IMMP2L: variants seen among roughly 807,000 people sequenced by gnomAD.
The protein encoded by IMMP2L is inner mitochondrial membrane peptidase subunit 2.
In IMMP2L, 18 loss-of-function variants were observed where a neutral mutation model predicts 19.3. That is an observed-to-expected ratio of 0.93 (90% CI 0.64 to 1.38). IMMP2L has a LOEUF of 1.38. IMMP2L is among the 40% of genes most tolerant of loss of function. IMMP2L has a pLI of 0.00. For missense variants in IMMP2L, 233 were observed against 218.2 expected, an observed-to-expected ratio of 1.07 and a Z score of -0.43; for synonymous variants, 76 against 73.0, an observed-to-expected ratio of 1.04 and a Z score of -0.21.
chr7:110,763,094 A>C (rs1798450302), intron 5 of IMMP2L, among the ~76,000 whole-genome samples: 1 of 152,082 alleles, frequency 6.6e-6, no homozygotes, highest in Non-Finnish European at 1.5e-5. Context: ...AGGAGGAGGA[A>C]AATGAAGAAA....
chr7:111,044,361 A>C (rs528844078), intron 3 of IMMP2L, among the ~76,000 whole-genome samples: 3 of 152,310 alleles, frequency 2.0e-5, no homozygotes, highest in East Asian at 3.9e-4. Context: ...GGAGTTCAAG[A>C]CCAGCCTGGC....
chr7:111,491,706 T>C (rs1843121177), intron 2 of IMMP2L, among the ~76,000 whole-genome samples: 1 of 152,106 alleles, frequency 6.6e-6, no homozygotes, highest in Non-Finnish European at 1.5e-5. Context: ...CATTCATATT[T>C]CTCATTCAAA....
At chr7:111,085,682 A>G (rs1041373943) in intron 3 of IMMP2L, among the ~76,000 whole-genome samples, 2 of 152,170 alleles carry the variant, frequency 1.3e-5, no homozygotes, top group Admixed American at 6.5e-5. Context: ...AGACACATGC[A>G]CATGTATGTT....
intron 3 of IMMP2L, among the ~76,000 whole-genome samples, chr7:111,105,721 T>C (rs1393747311): frequency 6.6e-6 from 1 of 151,880 alleles, no homozygotes; most frequent in Non-Finnish European, 1.5e-5. Context: ...TGTTTGCATT[T>C]GTATTATGTG....
intron 3 of IMMP2L, among the ~76,000 whole-genome samples, chr7:111,109,915 C>G (rs1799000231): frequency 6.6e-6 from 1 of 152,118 alleles, no homozygotes; most frequent in Non-Finnish European, 1.5e-5. Flanking sequence ...GTGGGCGGAT[C>G]ACAAGGTCAG....
At chr7:110,692,126 C>A (rs1157359171) in intron 5 of IMMP2L, among the ~76,000 whole-genome samples, 1 of 152,074 alleles carries the variant, frequency 6.6e-6, no homozygotes, top group African/African-American at 2.4e-5. Flanking sequence ...CCCCCCACAA[C>A]ACACACACCA....
At chr7:111,300,656 C>G (rs145367381) in intron 3 of IMMP2L, among the ~76,000 whole-genome samples, 2 of 152,078 alleles carry the variant, frequency 1.3e-5, no homozygotes, top group African/African-American at 4.8e-5. Context: ...TCCGGGCAAC[C>G]ATTTCATAAT....
At chr7:110,929,681 A>T (rs1230661732) in intron 4 of IMMP2L, among the ~76,000 whole-genome samples, 1 of 152,192 alleles carries the variant, frequency 6.6e-6, no homozygotes, top group Non-Finnish European at 1.5e-5. Context: ...GGTACTCAAC[A>T]TCTTCTGCCT....
intron 1 of IMMP2L, among the ~76,000 whole-genome samples, chr7:111,553,871 T>C (rs372188075): frequency 6.6e-6 from 1 of 152,224 alleles, no homozygotes; most frequent in East Asian, 1.9e-4. Flanking sequence ...TTTATTGTTA[T>C]AATCACATCT....
intron 3 of IMMP2L, among the ~76,000 whole-genome samples, chr7:110,965,963 A>G (rs1357656897): frequency 6.6e-6 from 1 of 152,026 alleles, no homozygotes; most frequent in Non-Finnish European, 1.5e-5. Context: ...GATGATTACG[A>G]ATGTATGCCA....
At chr7:111,276,640 CGAAAAAA>C (rs1819098537) in intron 3 of IMMP2L, among the ~76,000 whole-genome samples, 1 of 105,908 alleles carries the variant, frequency 9.4e-6, no homozygotes, top group African/African-American at 3.7e-5. Flanking sequence ...CATGTGGAAC[CGAAAAAA>C]AAAAAAAAAG....
In IMMP2L at chr7:111,033,937, A is replaced by G. The variant is rs529654351; in HGVS notation, c.240-70372T>C. Among the ~76,000 whole-genome samples the G allele has an allele frequency of 2.6e-5, 4 of 152,322 alleles. No homozygotes were observed. The South Asian group carries it at 8.3e-4, about 32-fold the overall frequency. On this transcript the variant is annotated intron_variant, in intron 3 of 5. Transcript: ENST00000405709. ...ATTGCTCAGCTATAAAATAAAATAGATCACTGAGAATAAACTATAGTGACA... is the reference window on the plus strand; with the variant it reads ...ATTGCTCAGCTATAAAATAAAATAGGTCACTGAGAATAAACTATAGTGACA...
intron 5 of IMMP2L, among the ~76,000 whole-genome samples, chr7:110,702,808 T>A (rs190719003): frequency 0.013 from 1,969 of 152,224 alleles, 32 homozygotes; most frequent in South Asian, 0.056. Context: ...TAGTATTTTT[T>A]AAATAAATTC....
In IMMP2L at chr7:110,877,875, CAT is replaced by C. The variant is rs1425613210; in HGVS notation, c.408+8716_408+8717del. ...AAACTAACACCATTAAGGACCCAGA[CAT>C]ATGTTTTTCCATATATTTTATACTC... On this transcript the variant is annotated intron_variant, in intron 5 of 5. Coordinates refer to ENST00000405709, the MANE Select transcript of IMMP2L (RefSeq NM_032549.4). This position sits in a 1 kb window ranked among gnomAD's most constrained non-coding sequence, Gnocchi z 4.0. 6.6e-6 allele frequency among the ~76,000 whole-genome samples: 1 copy of C among 152,090 alleles called. No individual in the cohort carries two copies. Among genetic ancestry groups the C allele is most frequent in the South Asian group, 2.1e-4 (1 of 4,830 alleles).
chr7:111,060,662 A>G (rs1793935630), intron 3 of IMMP2L, among the ~76,000 whole-genome samples: 1 of 152,244 alleles, frequency 6.6e-6, no homozygotes, highest in South Asian at 2.1e-4. Context: ...TATCCATCTT[A>G]GTGTTTTTGC....
chr7:111,275,394 C>T (rs1818913718), intron 3 of IMMP2L, among the ~76,000 whole-genome samples: 1 of 152,148 alleles, frequency 6.6e-6, no homozygotes, highest in African/African-American at 2.4e-5. Context: ...TGGTTTTGAA[C>T]CAGAATTACT....
intron 3 of IMMP2L, among the ~76,000 whole-genome samples, chr7:111,254,121 C>T (rs544996258): frequency 1.1e-4 from 17 of 152,230 alleles, no homozygotes; most frequent in South Asian, 6.2e-4. Flanking sequence ...AAAACACCCT[C>T]GCTGAATGAG....
At chr7:111,074,317 T>C (rs1026362236) in intron 3 of IMMP2L, among the ~76,000 whole-genome samples, 1 of 152,238 alleles carries the variant, frequency 6.6e-6, no homozygotes, top group Admixed American at 6.5e-5. Flanking sequence ...TGATTATCAC[T>C]TTGTGTTTGA....
At chr7:111,090,864 C>T (rs1207926160) in intron 3 of IMMP2L, 6 of 152,002 alleles carry the variant, frequency 3.9e-5, no homozygotes, top group Non-Finnish European at 7.4e-5. Context: ...GACTGATAAC[C>T]TAAAATTGAG....
Sources: gnomAD v4.1 joint callset for allele counts (sites outside exome capture counted in the v4.1 genomes callset) on GRCh38, gnomAD v4.1.1 for gene constraint, Gnocchi (gnomAD v3.1) non-coding constraint, MANE v1.5 for transcripts, NCBI Gene and HGNC (gene_info 2026-07-23, HGNC 2026-07-21) for gene names.